Variants in MYH6 observed in about 807,000 individuals in gnomAD.
MYH6 encodes the protein myosin heavy chain 6.
A neutral mutation model predicts 223.2 loss-of-function variants in MYH6; 126 were observed. The ratio of observed to expected loss-of-function variants is 0.56; its 90% CI spans 0.49 to 0.65. The LOEUF (loss-of-function observed/expected upper bound fraction) is 0.65, where lower values mean the gene tolerates loss of function less well. Among genes scored for constraint, MYH6 ranks in the 30% least tolerant of loss-of-function variants. The pLI, the probability that MYH6 is intolerant of heterozygous loss-of-function variation, is 0.00. For missense variants in MYH6, 2,040 were observed against 2,536.4 expected, an observed-to-expected ratio of 0.80 and a Z score of 4.20; for synonymous variants, 978 against 1,010.2, an observed-to-expected ratio of 0.97 and a Z score of 0.61.
Position 23,386,116 on chromosome 14 carries a change from G to C in MYH6, c.4975C>G (p.Leu1659Val). 6.2e-7 allele frequency: 1 copy of C among 1,614,250 alleles called. No homozygotes were observed. Among genetic ancestry groups the C allele is most frequent in the Non-Finnish European group, 8.5e-7 (1 of 1,180,032 alleles). The change falls in exon 34 of 39, where the codon CTG (leucine) becomes GTG (valine). Residue 1659 changes from leucine to valine, a missense_variant. By Grantham distance (32) the Leu-to-Val change is conservative. Around this residue, in one of 4 missense-constraint regions of MYH6, gnomAD observed 1,203 missense variants for 1,400.2 expected, o/e 0.86. Transcript: ENST00000405093. ...QSLLKDTQIQ[L>V]DDAVRANDDL... ...TCGTTGGCACGGACCGCATCGTCCA[G>C]CTGGATCTGGGTGTCCTGAGCATCA...
intron 36 of MYH6, 21 bp from the exon 37 acceptor site, chr14:23,383,341 G>GGGGGGGCCCCCCCCCCC: frequency 1.8e-6 from 1 of 556,574 alleles, no homozygotes; most frequent in East Asian, 4.9e-5. Flanking sequence ...GAGGGTGGGA[G>GGGGGGGCCCCCCCCCCC]AAGCTGGTTT....
Position 23,384,753 on chromosome 14 carries a change from CA to C in MYH6, c.5290-37del, listed in dbSNP as rs747916018. On this transcript the variant is annotated intron_variant, in intron 35 of 38. Coordinates refer to ENST00000405093, the MANE Select transcript of MYH6 (RefSeq NM_002471.4). The stretch of plus-strand genomic sequence containing the variant: ...GAGAGAGGTGGCAAGGAACATGGGC[CA>C]GGGGCCGGGGCCTTTTGCCCCCCAA... The C allele has an allele frequency of 3.1e-5, 50 of 1,614,076 alleles. No homozygotes were observed. In the South Asian group the frequency reaches 5.0e-4, roughly 16 times the overall value.
At position 23,401,768 on chromosome 14, in the gene MYH6, C is replaced by T. The variant is rs534903167; in HGVS notation, c.1141+696G>A. Among the ~76,000 whole-genome samples, 20 of 152,348 alleles carry T rather than the reference C, an allele frequency of 1.3e-4. 1 individual carries two copies. Among genetic ancestry groups the T allele is most frequent in the South Asian group, 1.2e-3 (6 of 4,826 alleles). ...GCTGAGAGTATATCAGACAGTACCA[C>T]GCTCCTACCCCCAGCCATCCAAATG... On this transcript the variant is annotated intron_variant, in intron 12 of 38. Transcript: ENST00000405093.
Position 23,404,874 on chromosome 14 carries a change from C to T in MYH6, c.531-52G>A, listed in dbSNP as rs191299367. 1,286 of 1,561,462 alleles carry T rather than the reference C, an allele frequency of 8.2e-4. 24 individuals are homozygous for T. In the Admixed American group the frequency reaches 0.02, roughly 24 times the overall value. ...CTCAGGATTCCTACTGTTCTCCATA[C>T]AGGGCTCAGCATCACATGCTCCCCT... On this transcript the variant is annotated intron_variant, in intron 6 of 38. Coordinates refer to ENST00000405093, the MANE Select transcript of MYH6 (RefSeq NM_002471.4).
chr14:23,395,105 T>C (rs1891354970), intron 20 of MYH6, among the ~76,000 whole-genome samples: 1 of 152,200 alleles, frequency 6.6e-6, no homozygotes. Context: ...CCTCAGGTGA[T>C]CCGCCTGCCT....
In MYH6 at chr14:23,400,709, G is replaced by A. The variant is rs139886074; in HGVS notation, c.1410C>T (p.Asp470=). The change falls in exon 13 of 39, where the codon GAC becomes GAT. Residue 470 remains aspartate, a splice_region_variant and synonymous_variant. Coordinates refer to ENST00000405093, the MANE Select transcript of MYH6 (RefSeq NM_002471.4). ...CCCACTCCCAGGGGTCCCAACTCAC[G>A]TCGAAGATCTCGAAGCCAGCGATGT... ...VLDIAGFEIF[D]FNSFEQLCIN... The A allele has an allele frequency of 1.9e-4, 314 of 1,614,234 alleles. No homozygotes were observed. Among genetic ancestry groups the A allele is most frequent in the East Asian group, 4.7e-4 (21 of 44,880 alleles).
chr14:23,397,415 TA>T, intron 16 of MYH6, 127 bp downstream of exon 16: 4 of 1,319,192 alleles, frequency 3.0e-6, no homozygotes, highest in South Asian at 1.2e-5. Flanking sequence ...ATCTACACAC[TA>T]AAAAACGACT....
chr14:23,396,195 T>G, intron 20 of MYH6, 89 bp downstream of exon 20: 1 of 1,577,780 alleles, frequency 6.3e-7, no homozygotes, highest in Non-Finnish European at 8.7e-7. Flanking sequence ...CTGGTAGGTC[T>G]GAACCCAGGT....
chr14:23,389,005 G>C lies in MYH6; in HGVS notation c.4029C>G (p.Asp1343Glu). 6.2e-7 allele frequency: 1 copy of C among 1,613,516 alleles called. No homozygotes were observed. The highest frequency in any genetic ancestry group is 1.3e-5 in the African/African-American group (1 of 75,034). Residue 1343 changes from aspartate (D) to glutamate (E), a missense_variant, in exon 29 of 39, where the codon GAC becomes GAG. By Grantham distance (45) the Asp-to-Glu change is conservative (BLOSUM62 2). This residue lies in a region of MYH6 where 1,203 missense variants were observed against 1,400.2 expected (regional missense o/e 0.86). Coordinates refer to ENST00000405093, the MANE Select transcript of MYH6 (RefSeq NM_002471.4). ...HALQSARHDC[D>E]LLREQYEEET... The stretch of plus-strand genomic sequence containing the variant: ...CCTCCTCGTACTGCTCCCGCAGCAG[G>C]TCGCAGTCATGCCGGGCCGACTGCA...
intron 30 of MYH6, 33 bp from the exon 31 acceptor site, chr14:23,387,956 C>A (rs1302667513): frequency 2.5e-6 from 4 of 1,611,636 alleles, no homozygotes; most frequent in Non-Finnish European, 3.4e-6. Flanking sequence ...CTTCAGCCCC[C>A]CAGCCTTAGC....
At chr14:23,402,345 C>G (rs1891627225) in intron 12 of MYH6, 119 bp downstream of exon 12, 2 of 1,498,094 alleles carry the variant, frequency 1.3e-6, no homozygotes, top group African/African-American at 2.8e-5. Context: ...CCCTGTCCCT[C>G]ACCATCCCAC....
At position 23,385,955 on chromosome 14, in the gene MYH6, G is replaced by T. The variant is rs397516774; in HGVS notation, c.5136C>A (p.Ser1712Arg). ...KLAEQELIET[S>R]ERVQLLHSQN... ...GGGAATGCAGCAGCTGCACCCGCTC[G>T]CTGGTCTCAATCAGCTCCTGCTCCG... The change falls in exon 34 of 39, where the codon AGC (serine) becomes AGA (arginine). Residue 1712 changes from serine (S) to arginine (R), a missense_variant. Around this residue, in one of 4 missense-constraint regions of MYH6, gnomAD observed 1,203 missense variants for 1,400.2 expected, o/e 0.86. Coordinates refer to ENST00000405093, the MANE Select transcript of MYH6 (RefSeq NM_002471.4). The T allele has an allele frequency of 6.2e-7, 1 of 1,614,164 alleles. No individual in the cohort carries two copies. The highest frequency in any genetic ancestry group is 8.5e-7 in the Non-Finnish European group (1 of 1,180,026).
At chr14:23,396,243 C>G in intron 20 of MYH6, 41 bp downstream of exon 20, 1 of 1,613,610 alleles carries the variant, frequency 6.2e-7, no homozygotes, top group Non-Finnish European at 8.5e-7. Context: ...GGATCTGCCT[C>G]TACATCTCTA....
rs544358806 is a variant in MYH6 at position 23,389,667 on chromosome 14, C to T, written c.3785G>A (p.Arg1262His). The T allele has an allele frequency of 1.8e-5, 29 of 1,614,160 alleles. 1 individual carries two copies. The highest frequency in any genetic ancestry group is 4.4e-5 in the South Asian group (4 of 91,080). ...GCGTTGGGCCTCTTCTAGCTTCACG[C>T]GGTACTCATTGGCCTGGTCCTCCAG... Reference protein sequence around the residue: ...RTLEDQANEYRVKLEEAQRSL... With the variant: ...RTLEDQANEYHVKLEEAQRSL... Residue 1262 changes from arginine to histidine, a missense_variant, in exon 27 of 39, where the codon CGC becomes CAC. Physicochemically the swap from Arg to His is conservative, Grantham distance 29 (BLOSUM62 0). Coordinates refer to ENST00000405093, the MANE Select transcript of MYH6 (RefSeq NM_002471.4).
At chr14:23,399,441 C>T (rs564457121) in intron 14 of MYH6, among the ~76,000 whole-genome samples, 2 of 152,198 alleles carry the variant, frequency 1.3e-5, no homozygotes, top group Non-Finnish European at 1.5e-5. Flanking sequence ...GATCCAGGTT[C>T]TTTACCACAC....
intron 14 of MYH6, 34 bp from the exon 15 acceptor site, chr14:23,399,071 A>C: frequency 6.2e-7 from 1 of 1,610,736 alleles, no homozygotes; most frequent in Non-Finnish European, 8.5e-7. Context: ...AGAGAGAATC[A>C]CTGAGCACAC....
At chr14:23,397,940 CTT>C (rs1566512352) in intron 15 of MYH6, among the ~76,000 whole-genome samples, 2 of 53,192 alleles carry the variant, frequency 3.8e-5, no homozygotes, top group African/African-American at 8.3e-5. Context: ...TCCTCTTCTT[CTT>C]CTTCTTCTTC....
At position 23,405,347 on chromosome 14, in the gene MYH6, G is replaced by A. The variant is rs758013868; in HGVS notation, c.378C>T (p.Asn126=). Residue 126 remains asparagine (N), a synonymous_variant, in exon 5 of 39, where the codon AAC becomes AAT. Coordinates refer to ENST00000405093, the MANE Select transcript of MYH6 (RefSeq NM_002471.4). The surrounding 1 kb of genome is among the most constrained non-coding windows in gnomAD (Gnocchi z 4.7). ...TGTACACCGGCAGCCACTTGTAGGG[G>A]TTGACAGTGACACAGAAGAGGCCCG... The part of the protein sequence containing the change: ...TYSGLFCVTV[N]PYKWLPVYNA... The A allele has an allele frequency of 1.2e-6, 2 of 1,614,184 alleles. No individual in the cohort carries two copies. The highest frequency in any genetic ancestry group is 1.7e-6 in the Non-Finnish European group (2 of 1,180,012).
intron 20 of MYH6, 108 bp from the exon 21 acceptor site, chr14:23,394,431 C>G (rs1490329693): frequency 2.1e-6 from 3 of 1,400,208 alleles, no homozygotes; most frequent in Non-Finnish European, 2.9e-6. Flanking sequence ...CTTGTGCACA[C>G]CCACCTCCAA....
Sources: gnomAD v4.1 joint callset for allele counts (sites outside exome capture counted in the v4.1 genomes callset) on GRCh38, gnomAD v4.1.1 for gene constraint, gnomAD v4.1.1 regional missense constraint, Gnocchi (gnomAD v3.1) non-coding constraint, MANE v1.5 for transcripts, NCBI Gene and HGNC (gene_info 2026-07-23, HGNC 2026-07-21) for gene names.